ZBBX: variants seen among roughly 807,000 people sequenced by gnomAD.
The protein encoded by ZBBX is zinc finger B-box domain-containing protein 1.
A neutral mutation model predicts 108.5 loss-of-function variants in ZBBX; 101 were observed. The ratio of observed to expected loss-of-function variants is 0.93; its 90% CI spans 0.79 to 1.10. ZBBX has a LOEUF of 1.10. Ranked by LOEUF, ZBBX falls within the 50% of genes least tolerant of loss-of-function variation. The pLI is 0.00. For missense variants in ZBBX, 1,009 were observed against 941.4 expected (o/e 1.07, Z -0.94); for synonymous variants, 356 against 323.4 (o/e 1.10, Z -1.08).
the ZBBX span, among the ~76,000 whole-genome samples, chr3:167,205,237 G>A: frequency 2.0e-5 from 3 of 152,030 alleles, no homozygotes. Context: ...GATGGTTGAT[G>A]GTAAATAGTG....
At chr3:167,223,442 ACAT>A in the ZBBX span, among the ~76,000 whole-genome samples, 1 of 151,996 alleles carries the variant, frequency 6.6e-6, no homozygotes, top group Admixed American at 6.6e-5. Flanking sequence ...TATAAGTCAA[ACAT>A]CCTGGGAGGG....
chr3:167,369,726 G>A (rs1219298168), intron 4 of ZBBX, among the ~76,000 whole-genome samples: 1 of 152,126 alleles, frequency 6.6e-6, no homozygotes, highest in Non-Finnish European at 1.5e-5. Flanking sequence ...GGGCTACCTG[G>A]GCACAAAGAA....
At chr3:167,263,135 C>T (rs191046322) in intron 20 of ZBBX, among the ~76,000 whole-genome samples, 38 of 147,308 alleles carry the variant, frequency 2.6e-4, no homozygotes, top group Non-Finnish European at 3.0e-5. Context: ...CCTCCTGGCT[C>T]AAGCAATTCT....
the ZBBX span, among the ~76,000 whole-genome samples, chr3:167,186,622 A>C: frequency 6.6e-6 from 1 of 152,172 alleles, no homozygotes; most frequent in Non-Finnish European, 1.5e-5. Flanking sequence ...TCAGAAGGAC[A>C]TTACAAAGAG....
At chr3:167,228,835 G>A in the ZBBX span, among the ~76,000 whole-genome samples, 1 of 151,762 alleles carries the variant, frequency 6.6e-6, no homozygotes, top group African/African-American at 2.4e-5. Context: ...AGGAATTTGA[G>A]AAGGTGAAGA....
chr3:167,397,955 G>A (rs1295469228), intron 1 of ZBBX, among the ~76,000 whole-genome samples: 1 of 151,712 alleles, frequency 6.6e-6, no homozygotes, highest in Non-Finnish European at 1.5e-5. Flanking sequence ...GAGAGGATAG[G>A]GGTAAAGAAA....
the ZBBX span, among the ~76,000 whole-genome samples, chr3:167,218,241 A>T: frequency 6.6e-6 from 1 of 152,142 alleles, no homozygotes; most frequent in Non-Finnish European, 1.5e-5. Context: ...CCTTCACATG[A>T]ACTCCCAAAC....
At chr3:167,267,271 C>T (rs571061223) in intron 20 of ZBBX, among the ~76,000 whole-genome samples, 9 of 151,896 alleles carry the variant, frequency 5.9e-5, no homozygotes, top group Non-Finnish European at 8.8e-5. Context: ...CCAGAGTGGA[C>T]GAAGCTAAAG....
At chr3:167,326,111 C>G (rs1737338624) in intron 11 of ZBBX, among the ~76,000 whole-genome samples, 2 of 152,058 alleles carry the variant, frequency 1.3e-5, no homozygotes, top group African/African-American at 4.8e-5. Context: ...ATCATAATAT[C>G]TTTTAAATAC....
At chr3:167,388,546 A>G (rs574141927) in intron 1 of ZBBX, among the ~76,000 whole-genome samples, 144 of 152,158 alleles carry the variant, frequency 9.5e-4, no homozygotes, top group Non-Finnish European at 1.6e-3. Flanking sequence ...TTAAGGACTC[A>G]ATCACTGCAT....
the ZBBX span, among the ~76,000 whole-genome samples, chr3:167,191,896 CATATATATATATATAT>C: frequency 4.9e-3 from 333 of 67,958 alleles, 16 homozygotes; most frequent in East Asian, 0.019. Context: ...TTACAAAAAT[CATATATATATATATAT>C]ATATATATAT....
rs201520183 is a variant in ZBBX at position 167,268,351 on chromosome 3, T to A, written c.2254+13887A>T. Among the ~76,000 whole-genome samples, 3 of 151,904 alleles carry A rather than the reference T, an allele frequency of 2.0e-5. No individual in the cohort carries two copies. In the East Asian group the frequency reaches 5.8e-4, roughly 29 times the overall value. ...CGGGGGAAGAAAGAGGGATGATCAG[T>A]AGGGCTGCTATGGTAATTTGGGAGC... is the stretch of plus-strand genomic sequence containing the variant. On this transcript the variant is annotated intron_variant, in intron 20 of 21. Coordinates refer to ENST00000675490, the MANE Select transcript of ZBBX (RefSeq NM_001199201.2).
chr3:167,194,473 C>T, the ZBBX span, among the ~76,000 whole-genome samples: 2 of 152,032 alleles, frequency 1.3e-5, no homozygotes, highest in Non-Finnish European at 1.5e-5. Context: ...GGTTAACTCC[C>T]CAAACTATTT....
At chr3:167,239,677 T>C (rs1238049715), downstream of ZBBX, among the ~76,000 whole-genome samples, 1 of 152,104 alleles carries the variant, frequency 6.6e-6, no homozygotes, top group Non-Finnish European at 1.5e-5. Flanking sequence ...CATAGGCTAT[T>C]AGTTACATTT....
chr3:167,252,441 G>A (rs1722778527), intron 20 of ZBBX, among the ~76,000 whole-genome samples: 1 of 152,164 alleles, frequency 6.6e-6, no homozygotes, highest in Non-Finnish European at 1.5e-5. Context: ...CAGAGTCAGT[G>A]ACTTTTCTAC....
chr3:167,335,832 T>G (rs1170009343), intron 9 of ZBBX, among the ~76,000 whole-genome samples: 1 of 152,018 alleles, frequency 6.6e-6, no homozygotes, highest in Non-Finnish European at 1.5e-5. Flanking sequence ...GCTGTCTGTA[T>G]GCAAATCTGT....
the ZBBX span, among the ~76,000 whole-genome samples, chr3:167,213,496 A>T: frequency 1.3e-5 from 2 of 152,182 alleles, no homozygotes; most frequent in Non-Finnish European, 2.9e-5. Context: ...AAAATAAAGA[A>T]AAAATAATAA....
At chr3:167,216,172 G>A in the ZBBX span, among the ~76,000 whole-genome samples, 6 of 152,062 alleles carry the variant, frequency 3.9e-5, no homozygotes, top group Non-Finnish European at 8.8e-5. Context: ...CAAAAACAGA[G>A]GAAGTCAAAC....
intron 12 of ZBBX, among the ~76,000 whole-genome samples, chr3:167,318,222 T>C (rs1157575737): frequency 1.3e-5 from 2 of 151,988 alleles, no homozygotes; most frequent in Admixed American, 1.3e-4. Context: ...GGTCACTTTT[T>C]AACCAAGAAT....
Sources: allele counts gnomAD v4.1 joint callset (sites outside exome capture counted in the v4.1 genomes callset), GRCh38; gene constraint gnomAD v4.1.1; transcripts MANE v1.5; gene names NCBI Gene and HGNC (gene_info 2026-07-23, HGNC 2026-07-21).